The following TULP2 variants were observed in gnomAD, a reference collection of about 807,000 sequenced individuals.
TULP2 encodes the protein TUB like protein 2.
In TULP2, 64 loss-of-function variants were observed where a neutral mutation model predicts 60.3. That is an observed-to-expected ratio of 1.06 (90% CI 0.87 to 1.31). The LOEUF (loss-of-function observed/expected upper bound fraction) is 1.31, where lower values mean the gene tolerates loss of function less well. TULP2 is among the 50% of genes most tolerant of loss of function. The probability of loss-of-function intolerance (pLI) is 0.00; values close to 1 mark genes in which losing one functional copy is unlikely to be tolerated. For missense variants in TULP2, 652 were observed against 667.0 expected (o/e 0.98, Z 0.25); for synonymous variants, 267 against 265.4 (o/e 1.01, Z -0.06).
Position 48,889,535 on chromosome 19 carries a change from A to G in TULP2, c.611T>C (p.Val204Ala), listed in dbSNP as rs1165560880. 1.9e-6 allele frequency: 3 copies of G among 1,579,096 alleles called. No individual in the cohort carries two copies. The African/African-American group carries it at 4.0e-5, about 21-fold the overall frequency. ...GPNPGMDGDC[V>A]YENLAFQKEE... is the part of the protein sequence containing the mutation. ...CTTTTGGAAGGCCAAGTTTTCATAT[A>G]CACAGTCACCATCCATTCCAGGGTT... Residue 204 changes from valine (V) to alanine (A), a missense_variant, in exon 7 of 13, where the codon GTA becomes GCA. Val to Ala is a moderately conservative substitution (Grantham distance 64). Transcript: ENST00000221399.
rs1354528144 is a variant in TULP2, at chr19:48,895,400, G to T, written c.315C>A (p.Gly105=). The T allele has an allele frequency of 1.9e-6, 3 of 1,613,740 alleles. No homozygotes were observed. The highest frequency in any genetic ancestry group is 2.5e-6 in the Non-Finnish European group (3 of 1,179,892). ...GTVSCGGDGR[G]ERGLPTPRTE... The stretch of plus-strand genomic sequence containing the variant: ...TCCGCGGTGTCGGGAGGCCGCGCTC[G>T]CCCCTGCCGTCTCCACCACAGCTCA... Residue 105 remains glycine, a synonymous_variant, in exon 5 of 13, where the codon GGC becomes GGA. Coordinates refer to ENST00000221399, the MANE Select transcript of TULP2 (RefSeq NM_003323.3).
At position 48,881,090 on chromosome 19, in the gene TULP2, G is replaced by A. The variant is rs1261731280; in HGVS notation, c.1484C>T (p.Pro495Leu). ...GCAGAAGTCCATGGTGAATGTGTCT[G>A]GGCCCACTCGGCCGAACTGGAGCAC... ...HLVLQFGRVG[P>L]DTFTMDFCFP... Residue 495 changes from proline to leucine, a missense_variant, in exon 13 of 13, where the codon CCA (proline) becomes CTA (leucine). Transcript: ENST00000221399. 1 of 1,613,626 alleles carries A rather than the reference G, an allele frequency of 6.2e-7. No individual in the cohort carries two copies. The highest frequency in any genetic ancestry group is 1.7e-5 in the Admixed American group (1 of 59,942).
intron 11 of TULP2, 27 bp downstream of exon 11, chr19:48,883,727 C>G (rs769868049): frequency 6.2e-7 from 1 of 1,612,794 alleles, no homozygotes; most frequent in Non-Finnish European, 8.5e-7. Flanking sequence ...TCCATTGACC[C>G]AGAGATTCCT....
At chr19:48,893,901 T>C (rs1044771648) in intron 6 of TULP2, among the ~76,000 whole-genome samples, 1 of 152,174 alleles carries the variant, frequency 6.6e-6, no homozygotes, top group African/African-American at 2.4e-5. Flanking sequence ...CTAAAATTGA[T>C]TGTGGTGACG....
chr19:48,881,940 G>A, intron 12 of TULP2, 92 bp downstream of exon 12: 6 of 1,558,256 alleles, frequency 3.9e-6, no homozygotes, highest in South Asian at 1.1e-5. Context: ...CTAGAAAAAC[G>A]CTCAAGTGAT....
chr19:48,881,455 C>T (rs2037131831), intron 12 of TULP2, among the ~76,000 whole-genome samples: 1 of 148,500 alleles, frequency 6.7e-6, no homozygotes, highest in Non-Finnish European at 1.5e-5. Flanking sequence ...GATCTCGGCT[C>T]ACTGCAAGCT....
intron 6 of TULP2, among the ~76,000 whole-genome samples, chr19:48,891,323 CAAA>C (rs58111671): frequency 8.1e-6 from 1 of 123,092 alleles, no homozygotes; most frequent in Non-Finnish European, 1.6e-5. Flanking sequence ...GACTCCGTCT[CAAA>C]AAAAAAAAAA....
rs1442700866 is a variant in TULP2 at position 48,881,133 on chromosome 19, A to C, written c.1448-7T>G. 1 of 1,605,832 alleles carries C rather than the reference A, an allele frequency of 6.2e-7. No individual in the cohort carries two copies. Among genetic ancestry groups the C allele is most frequent in the East Asian group, 2.2e-5 (1 of 44,576 alleles). On this transcript the variant is annotated splice_polypyrimidine_tract_variant and splice_region_variant and intron_variant, in intron 12 of 12. Coordinates refer to ENST00000221399, the MANE Select transcript of TULP2 (RefSeq NM_003323.3). ...TGGAGCACCAGATGTTCTTCTGAGA[A>C]GTGAATCAGGAACAAAGCCTTAGCC...
intron 8 of TULP2, 112 bp downstream of exon 8, chr19:48,887,838 G>A (rs1478661570): frequency 8.4e-6 from 10 of 1,184,318 alleles, no homozygotes; most frequent in African/African-American, 1.5e-5. Context: ...GATTATAGGC[G>A]TGAGCCACTG....
At chr19:48,896,258 C>G (rs974537387) in intron 4 of TULP2, among the ~76,000 whole-genome samples, 172 bp downstream of exon 4, 1 of 152,224 alleles carries the variant, frequency 6.6e-6, no homozygotes, top group Non-Finnish European at 1.5e-5. Flanking sequence ...CCACAAGCCT[C>G]TCCCCTGGGC....
At chr19:48,881,165 T>G in intron 12 of TULP2, 39 bp from the exon 13 acceptor site, 2 of 1,283,306 alleles carry the variant, frequency 1.6e-6, no homozygotes, top group Non-Finnish European at 2.2e-6. Flanking sequence ...AGCCTGACTC[T>G]CTCATCTCCC....
At chr19:48,886,819 C>T (rs1219450477) in intron 8 of TULP2, among the ~76,000 whole-genome samples, 1 of 151,688 alleles carries the variant, frequency 6.6e-6, no homozygotes, top group Non-Finnish European at 1.5e-5. Flanking sequence ...AGCCATTTTC[C>T]CTCAGCCTCA....
chr19:48,894,719 A>G (rs2037262676), intron 6 of TULP2, among the ~76,000 whole-genome samples: 2 of 152,262 alleles, frequency 1.3e-5, no homozygotes, highest in Non-Finnish European at 2.9e-5. Flanking sequence ...GACTTACAGT[A>G]TATGGGGGGA....
chr19:48,896,311 C>T, intron 4 of TULP2, 119 bp downstream of exon 4: 1 of 1,371,016 alleles, frequency 7.3e-7, no homozygotes, highest in Non-Finnish European at 9.7e-7. Flanking sequence ...CCAAGGCCCG[C>T]CCCCATCCAC....
Position 48,883,846 on chromosome 19 carries a change from T to C in TULP2, c.1183A>G (p.Asn395Asp), listed in dbSNP as rs768771929. The change falls in exon 11 of 13, where the codon AAC becomes GAC. Residue 395 changes from asparagine to aspartate, a missense_variant. Coordinates refer to ENST00000221399, the MANE Select transcript of TULP2 (RefSeq NM_003323.3). ...QELGAVCYEP[N>D]VLGYLGPRKM... ...CGAGGCCCCAGGTATCCTAAGACGT[T>C]GGGCTCCTGGGGGTATTACATTCCA... 1.2e-5 allele frequency: 19 copies of C among 1,614,152 alleles called. No homozygotes were observed. The highest frequency in any genetic ancestry group is 8.8e-5 in the South Asian group (8 of 91,084).
At chr19:48,881,888 C>T in intron 12 of TULP2, 144 bp downstream of exon 12, 1 of 1,078,428 alleles carries the variant, frequency 9.3e-7, no homozygotes, top group Non-Finnish European at 1.3e-6. Context: ...GTGTAAACTA[C>T]AATTCCCAAT....
chr19:48,887,263 G>A (rs1235710878), intron 8 of TULP2, among the ~76,000 whole-genome samples: 3 of 138,086 alleles, frequency 2.2e-5, no homozygotes, highest in Admixed American at 8.1e-5. Flanking sequence ...TGCACGCCTC[G>A]GCCTCCCAAA....
In TULP2 at chr19:48,887,311, C is replaced by CTTTTTTTTTTTTTTTTTTTTTTTTT. The variant is rs58640342; in HGVS notation, c.948+614_948+638dup. ...CAAGTGTGAGCCACCGCGCCCAGCC[C>CTTTTTTTTTTTTTTTTTTTTTTTTT]TTTTTTTTTTTTTTTTTTTTTTTTT... is the stretch of plus-strand genomic sequence containing the variant. On this transcript the variant is annotated intron_variant, in intron 8 of 12. Transcript: ENST00000221399. Among the ~76,000 whole-genome samples the CTTTTTTTTTTTTTTTTTTTTTTTTT allele has an allele frequency of 6.3e-4, 25 of 39,376 alleles. 7 individuals are homozygous for CTTTTTTTTTTTTTTTTTTTTTTTTT. The highest frequency in any genetic ancestry group is 0.05 in the Middle Eastern group (1 of 20). 25.8% of individuals were successfully genotyped at this position (39,376 alleles called of 152,430 possible).
At chr19:48,885,313 A>G in intron 9 of TULP2, 135 bp downstream of exon 9, 3 of 664,046 alleles carry the variant, frequency 4.5e-6, no homozygotes, top group South Asian at 4.0e-5. Context: ...ATGCCAGCCT[A>G]CGTTCCAAAC....
Sources: allele counts gnomAD v4.1 joint callset (sites outside exome capture counted in the v4.1 genomes callset), GRCh38; gene constraint gnomAD v4.1.1; transcripts MANE v1.5; gene names NCBI Gene and HGNC (gene_info 2026-07-23, HGNC 2026-07-21).